Variants in MANSC1 observed in about 807,000 individuals in gnomAD.
The protein encoded by MANSC1 is MANSC domain containing 1.
Under a neutral mutation model 14.1 loss-of-function variants are expected in MANSC1, and 13 were observed. That is an observed-to-expected ratio of 0.92 (90% CI 0.60 to 1.46). MANSC1 has a LOEUF of 1.46. MANSC1 is among the 40% of genes most tolerant of loss of function. The probability of loss-of-function intolerance (pLI) is 0.00; values close to 1 mark genes in which losing one functional copy is unlikely to be tolerated. For synonymous variants in MANSC1, 227 were observed against 200.7 expected (o/e 1.13, Z -1.11); for missense variants, 486 against 511.4 (o/e 0.95, Z 0.48).
chr12:12,331,096 C>A (rs1862784157), intron 3 of MANSC1, 138 bp from the exon 4 acceptor site: 1 of 606,196 alleles, frequency 1.6e-6, no homozygotes, highest in African/African-American at 1.9e-5. Context: ...AATCCCAGCA[C>A]TTTGGGAGGC....
intron 2 of MANSC1, chr12:12,338,905 A>T: frequency 1.1e-5 from 3 of 283,638 alleles, no homozygotes; most frequent in Admixed American, 5.2e-5. Context: ...ACACACACAC[A>T]CACACACACA....
chr12:12,327,613 G>A lies in MANSC1; in HGVS notation c.*2414C>T, dbSNP rs768706106. 7 of 152,074 alleles carry A rather than the reference G, an allele frequency of 4.6e-5. No homozygotes were observed. Among genetic ancestry groups the A allele is most frequent in the Non-Finnish European group, 1.0e-4 (7 of 68,012 alleles). The allele number at this position is 152,074 out of a possible 1,614,324, so 9.4% of individuals were successfully genotyped here. A position where few individuals can be genotyped will look rare whatever the true frequency, so the allele number is the denominator to read the frequency against. On this transcript the variant is annotated 3_prime_UTR_variant, in exon 4 of 4. Transcript: ENST00000535902. Reference sequence around the variant, plus strand: ...TCGCTAAATCCATTAATAAAGAGAGGAGAAATTTTAAAATTCCAAGGCACC... The same window carrying A: ...TCGCTAAATCCATTAATAAAGAGAGAAGAAATTTTAAAATTCCAAGGCACC...
chr12:12,338,890 A>ACAAACACACACACACACAC (rs1555141160), intron 2 of MANSC1: 10 of 191,074 alleles, frequency 5.2e-5, no homozygotes, highest in African/African-American at 2.5e-4. Context: ...CACACACACA[A>ACAAACACACACACACACAC]ACACACACAC....
At position 12,326,563 on chromosome 12, in the gene MANSC1, T is replaced by C. The variant is rs901420091; in HGVS notation, c.*3464A>G. 3.0e-4 allele frequency: 45 copies of C among 152,098 alleles called. No homozygotes were observed. Among genetic ancestry groups the C allele is most frequent in the African/African-American group, 9.2e-4 (38 of 41,500 alleles). The allele number at this position is 152,098 out of a possible 1,614,324, so 9.4% of individuals were successfully genotyped here. A position where few individuals can be genotyped will look rare whatever the true frequency, so the allele number is the denominator to read the frequency against. The stretch of plus-strand genomic sequence containing the variant: ...TAATTGAGAAACAGGCACATAACAG[T>C]ATTCATCCAGGAGTCCTCAGGTTTT... On this transcript the variant is annotated 3_prime_UTR_variant, in exon 4 of 4. Transcript: ENST00000535902.
In MANSC1 at chr12:12,343,351, A is replaced by G. The variant is rs775949887; in HGVS notation, c.-37T>C. 4 of 1,442,928 alleles carry G rather than the reference A, an allele frequency of 2.8e-6. No individual in the cohort carries two copies. The allele number at this position is 1,442,928 out of a possible 1,614,324, so 89.4% of individuals were successfully genotyped here. A position where few individuals can be genotyped will look rare whatever the true frequency, so the allele number is the denominator to read the frequency against. On this transcript the variant is annotated 5_prime_UTR_variant, in exon 2 of 4. Coordinates refer to ENST00000535902, the MANE Select transcript of MANSC1 (RefSeq NM_018050.4). ...GTTTAGTTTTGGTCTTCAAAGGTCA[A>G]GGATAATCCTCCCTCTGGTCTTAGT...
intron 3 of MANSC1, among the ~76,000 whole-genome samples, chr12:12,337,842 C>T (rs1271575030): frequency 6.6e-6 from 1 of 152,054 alleles, no homozygotes; most frequent in East Asian, 1.9e-4. Flanking sequence ...ATGTAAGTTC[C>T]ATGAACATGG....
chr12:12,329,993 T>C lies in MANSC1; in HGVS notation c.*34A>G. On this transcript the variant is annotated 3_prime_UTR_variant, in exon 4 of 4. Transcript: ENST00000535902. The stretch of plus-strand genomic sequence containing the variant: ...AACTCATTGCATTTGGGCTTCTGGT[T>C]ACTAAATGAATTAAGAGACACCGAG... 6.4e-7 allele frequency: 1 copy of C among 1,566,762 alleles called. No individual in the cohort carries two copies. Among genetic ancestry groups the C allele is most frequent in the Non-Finnish European group, 8.7e-7 (1 of 1,148,548 alleles).
Position 12,330,167 on chromosome 12 carries a change from GA to G in MANSC1, c.1155del (p.Ile387SerfsTer12), listed in dbSNP as rs1434693406. ...NQYGLPFEKWLLIGSLLFGVL... is the reference protein window; with the variant it reads ...NQYGLPFEKWXLIGSLLFGVL... ...ACACCAAAGAGCAGGGACCCGATAA[GA>G]AGCCATTTTTCAAATGGAAGGCCGT... On this transcript the variant is annotated frameshift_variant, in exon 4 of 4. Transcript: ENST00000535902. LOFTEE classifies it high-confidence loss of function. 5 of 1,614,144 alleles carry G rather than the reference GA, an allele frequency of 3.1e-6. No homozygotes were observed. Among genetic ancestry groups the G allele is most frequent in the Admixed American group, 1.7e-5 (1 of 60,020 alleles).
chr12:12,346,382 A>G (rs967295688), intron 1 of MANSC1, among the ~76,000 whole-genome samples: 37 of 152,366 alleles, frequency 2.4e-4, no homozygotes, highest in Admixed American at 1.5e-3. Flanking sequence ...TAAAATTTAC[A>G]TGGAAATGCA....
chr12:12,335,358 C>G (rs11054818), intron 3 of MANSC1, among the ~76,000 whole-genome samples: 1 of 150,254 alleles, frequency 6.7e-6, no homozygotes, highest in Non-Finnish European at 1.5e-5. Flanking sequence ...TTCTTCTCCC[C>G]GAGACAGAGT....
chr12:12,340,427 G>C (rs920893430), intron 2 of MANSC1, among the ~76,000 whole-genome samples: 13 of 152,160 alleles, frequency 8.5e-5, no homozygotes, highest in Admixed American at 7.9e-4. Flanking sequence ...ATAATAACAG[G>C]AGTACTCCTG....
intron 3 of MANSC1, among the ~76,000 whole-genome samples, chr12:12,332,803 G>A (rs1862809818): frequency 6.6e-6 from 1 of 152,150 alleles, no homozygotes; most frequent in Admixed American, 6.6e-5. Flanking sequence ...TTATAGAGGT[G>A]AGCCACCATG....
intron 2 of MANSC1, among the ~76,000 whole-genome samples, chr12:12,342,305 C>G (rs1178817789): frequency 6.6e-6 from 1 of 152,220 alleles, no homozygotes; most frequent in East Asian, 1.9e-4. Flanking sequence ...ACTGTTTTCT[C>G]TCTGGCAACT....
chr12:12,335,218 A>G (rs1456632735), intron 3 of MANSC1, among the ~76,000 whole-genome samples: 1 of 151,448 alleles, frequency 6.6e-6, no homozygotes, highest in African/African-American at 2.4e-5. Context: ...CTCGCCCGCC[A>G]CTCCCTGTTT....
intron 3 of MANSC1, among the ~76,000 whole-genome samples, chr12:12,336,958 C>T (rs1862865855): frequency 6.6e-6 from 1 of 152,086 alleles, no homozygotes; most frequent in African/African-American, 2.4e-5. Context: ...ATGATGATAA[C>T]TTTCTAAAAC....
intron 1 of MANSC1, among the ~76,000 whole-genome samples, chr12:12,345,212 C>T (rs769963064): frequency 1.6e-4 from 23 of 147,990 alleles, no homozygotes; most frequent in Admixed American, 5.5e-4. Context: ...CCCAGCTACT[C>T]GGGAGGTTGA....
chr12:12,347,906 T>C (rs1359272450), intron 1 of MANSC1, among the ~76,000 whole-genome samples: 1 of 148,382 alleles, frequency 6.7e-6, no homozygotes, highest in Non-Finnish European at 1.5e-5. Context: ...TAAAAAAAAA[T>C]ACAAAAATTA....
At chr12:12,339,891 C>T (rs1544683) in intron 2 of MANSC1, among the ~76,000 whole-genome samples, 14,797 of 151,942 alleles carry the variant, frequency 0.097, 956 homozygotes, top group East Asian at 0.22. Flanking sequence ...TGGCTCACTT[C>T]AGCCTTGACC....
intron 3 of MANSC1, among the ~76,000 whole-genome samples, chr12:12,332,073 C>T (rs550981331): frequency 6.6e-6 from 1 of 152,180 alleles, no homozygotes; most frequent in African/African-American, 2.4e-5. Context: ...CCATTTATCA[C>T]AGCTCAAACT....
Sources: gnomAD v4.1 joint callset for allele counts (sites outside exome capture counted in the v4.1 genomes callset) on GRCh38, gnomAD v4.1.1 for gene constraint, MANE v1.5 for transcripts, NCBI Gene and HGNC (gene_info 2026-07-23, HGNC 2026-07-21) for gene names.